The following TMOD1 variants were observed in gnomAD, a reference collection of about 807,000 sequenced individuals.
TMOD1 encodes tropomodulin 1.
In TMOD1, 17 loss-of-function variants were observed where a neutral mutation model predicts 40.6. The observed-to-expected ratio is 0.42, with a 90% CI of 0.29 to 0.63. The LOEUF (loss-of-function observed/expected upper bound fraction) is 0.63. Among genes scored for constraint, TMOD1 ranks in the 20% least tolerant of loss-of-function variants. The pLI is 0.22. For missense variants in TMOD1, 391 were observed against 447.6 expected, an observed-to-expected ratio of 0.87 and a Z score of 1.14; for synonymous variants, 181 against 175.0, an observed-to-expected ratio of 1.03 and a Z score of -0.27.
At chr9:97,576,158 T>G (rs1396894830) in intron 8 of TMOD1, among the ~76,000 whole-genome samples, 2 of 152,060 alleles carry the variant, frequency 1.3e-5, no homozygotes, top group Non-Finnish European at 2.9e-5. Context: ...ATGAAAAAGG[T>G]GGGCTAGGCA....
chr9:97,553,209 G>A (rs898619873), intron 3 of TMOD1, 72 bp from the exon 4 acceptor site: 28 of 1,604,030 alleles, frequency 1.7e-5, no homozygotes, highest in African/African-American at 2.7e-5. Context: ...AATGGTCCAC[G>A]CAGGGCTGTG....
intron 4 of TMOD1, among the ~76,000 whole-genome samples, chr9:97,559,729 C>T (rs1348350115): frequency 2.8e-5 from 4 of 143,432 alleles, no homozygotes. Flanking sequence ...CATGCCATTG[C>T]ACTCCAGCCT....
chr9:97,593,070 C>G (rs535429189), intron 9 of TMOD1, among the ~76,000 whole-genome samples: 1 of 152,204 alleles, frequency 6.6e-6, no homozygotes, highest in Non-Finnish European at 1.5e-5. Context: ...CACGGAGAAG[C>G]CTTGCGTTTC....
chr9:97,518,113 C>A (rs1015674793), intron 1 of TMOD1, among the ~76,000 whole-genome samples: 2 of 152,348 alleles, frequency 1.3e-5, no homozygotes, highest in South Asian at 4.1e-4. Flanking sequence ...CCTCCTGTCC[C>A]AGTTCCATGT....
At chr9:97,511,220 A>G (rs1829692790) in intron 1 of TMOD1, among the ~76,000 whole-genome samples, 1 of 152,198 alleles carries the variant, frequency 6.6e-6, no homozygotes, top group Admixed American at 6.5e-5. Flanking sequence ...TGATGGAGTC[A>G]AACACTATGT....
In TMOD1 at chr9:97,591,367, G is replaced by T. The variant is rs773888716; in HGVS notation, c.947G>T (p.Gly316Val). The T allele has an allele frequency of 1.9e-6, 3 of 1,614,174 alleles. No individual in the cohort carries two copies. The highest frequency in any genetic ancestry group is 2.5e-6 in the Non-Finnish European group (3 of 1,180,034). ...AAAAACGCAACACTTCTCAAATTCG[G>T]CTACCACTTTACCCAGCAAGGACCC... ...LEKNATLLKF[G>V]YHFTQQGPRL... is the part of the protein sequence containing the mutation. Residue 316 changes from glycine (G) to valine (V), a missense_variant, in exon 9 of 10, where the codon GGC (glycine) becomes GTC (valine). Gly to Val is a moderately radical substitution (Grantham distance 109). Coordinates refer to ENST00000259365, the MANE Select transcript of TMOD1 (RefSeq NM_003275.4).
At chr9:97,567,953 C>T (rs139580455) in intron 7 of TMOD1, among the ~76,000 whole-genome samples, 34 of 152,310 alleles carry the variant, frequency 2.2e-4, no homozygotes, top group African/African-American at 6.5e-4. Context: ...CCCTCCATGA[C>T]GCATCGTTTC....
In TMOD1 at chr9:97,601,394, A is replaced by C. The variant is rs1826255618; in HGVS notation, c.*1696A>C. 1 of 1,044,228 alleles carries C rather than the reference A, an allele frequency of 9.6e-7. No homozygotes were observed. The highest frequency in any genetic ancestry group is 1.2e-6 in the Non-Finnish European group (1 of 863,364). 64.7% of individuals were successfully genotyped at this position (1,044,228 alleles called of 1,614,324 possible). A position where few individuals can be genotyped will look rare whatever the true frequency, so the allele number is the denominator to read the frequency against. On this transcript the variant is annotated 3_prime_UTR_variant, in exon 10 of 10. Coordinates refer to ENST00000259365, the MANE Select transcript of TMOD1 (RefSeq NM_003275.4). ...ATGTATTCCAGGTGCTGATCTAAAA[A>C]CTGTGGCTCAAATGTCACCGAGCTT...
rs1243037961 is a variant in TMOD1 at position 97,591,499 on chromosome 9, A to ATG, written c.1015+66_1015+67dup. On this transcript the variant is annotated intron_variant, in intron 9 of 9. Transcript: ENST00000259365. Reference sequence around the variant, plus strand: ...GTTATTCCCTCCACCTGTGCTGGGGATGTCAGGGAAAATTCTGTAGATGCC... The same window carrying ATG: ...GTTATTCCCTCCACCTGTGCTGGGGATGTGTCAGGGAAAATTCTGTAGATGCC... 23 of 1,556,744 alleles carry ATG rather than the reference A, an allele frequency of 1.5e-5. No homozygotes were observed. The Admixed American group carries it at 3.5e-4, about 23-fold the overall frequency.
At chr9:97,562,535 C>A (rs540889073) in intron 4 of TMOD1, among the ~76,000 whole-genome samples, 197 bp from the exon 5 acceptor site, 27 of 152,308 alleles carry the variant, frequency 1.8e-4, no homozygotes, top group African/African-American at 6.3e-4. Context: ...AGGGGCAGAG[C>A]AGCCTGGGCT....
At chr9:97,577,316 C>G (rs1050903012) in intron 8 of TMOD1, among the ~76,000 whole-genome samples, 1 of 152,132 alleles carries the variant, frequency 6.6e-6, no homozygotes, top group Admixed American at 6.5e-5. Context: ...TGTAGTTCCT[C>G]TCGTCAGTCC....
intron 9 of TMOD1, among the ~76,000 whole-genome samples, chr9:97,596,443 G>C (rs1157043423): frequency 6.6e-6 from 1 of 152,202 alleles, no homozygotes; most frequent in Non-Finnish European, 1.5e-5. Flanking sequence ...GTTAGAGACT[G>C]TTCTGAATAC....
At chr9:97,572,569 C>T (rs867740874) in intron 8 of TMOD1, among the ~76,000 whole-genome samples, 37 of 152,048 alleles carry the variant, frequency 2.4e-4, no homozygotes, top group Admixed American at 3.9e-4. Flanking sequence ...ACCTGTGCCT[C>T]CCCTTCAGGT....
chr9:97,556,394 G>A (rs889635982), intron 4 of TMOD1, among the ~76,000 whole-genome samples: 4 of 152,234 alleles, frequency 2.6e-5, no homozygotes, highest in Non-Finnish European at 5.9e-5. Flanking sequence ...GGGCGGAGCA[G>A]GCCCACCAGA....
chr9:97,599,546 C>T (rs41274248), intron 9 of TMOD1, 88 bp from the exon 10 acceptor site: 868 of 1,537,630 alleles, frequency 5.6e-4, no homozygotes, highest in Non-Finnish European at 7.4e-4. Context: ...CCAATTAGTG[C>T]GAGGTTTCAC....
intron 4 of TMOD1, among the ~76,000 whole-genome samples, chr9:97,556,867 G>A (rs897008934): frequency 6.6e-6 from 1 of 152,184 alleles, no homozygotes; most frequent in Non-Finnish European, 1.5e-5. Flanking sequence ...GCTTGGGAGC[G>A]GCAGGAGGAG....
At chr9:97,548,118 A>G (rs957033538) in intron 3 of TMOD1, among the ~76,000 whole-genome samples, 2 of 152,206 alleles carry the variant, frequency 1.3e-5, no homozygotes, top group Non-Finnish European at 2.9e-5. Context: ...AATTCTAATT[A>G]ATTAATTGTG....
intron 6 of TMOD1, among the ~76,000 whole-genome samples, chr9:97,564,859 G>A (rs534763147): frequency 2.6e-5 from 4 of 151,892 alleles, no homozygotes; most frequent in Admixed American, 6.6e-5. Flanking sequence ...GTTCTGGGAG[G>A]GGGGTGGGGG....
At chr9:97,590,388 TA>T (rs980060895) in intron 8 of TMOD1, among the ~76,000 whole-genome samples, 4 of 151,980 alleles carry the variant, frequency 2.6e-5, no homozygotes, top group Non-Finnish European at 5.9e-5. Flanking sequence ...CACACCTGGC[TA>T]TTTTTTTTGT....
Sources: gnomAD v4.1 joint callset for allele counts (sites outside exome capture counted in the v4.1 genomes callset) on GRCh38, gnomAD v4.1.1 for gene constraint, MANE v1.5 for transcripts, NCBI Gene and HGNC (gene_info 2026-07-23, HGNC 2026-07-21) for gene names.